PDZD2: variants seen among roughly 807,000 people sequenced by gnomAD.
PDZD2 encodes the protein PDZ domain containing 2.
PDZD2 carries 90 observed loss-of-function variants against 220.7 expected under a neutral mutation model. The observed-to-expected ratio is 0.41, with a 90% CI of 0.34 to 0.49. The LOEUF is 0.49. Ranked by LOEUF, PDZD2 falls within the 20% of genes least tolerant of loss-of-function variation. PDZD2 has a pLI of 0.28. For synonymous variants in PDZD2, 1,375 were observed against 1,450.5 expected (o/e 0.95, Z 1.18); for missense variants, 3,174 against 3,608.5 (o/e 0.88, Z 3.08).
chr5:31,993,306 G>C (rs1005341996), intron 3 of PDZD2, among the ~76,000 whole-genome samples: 4 of 152,236 alleles, frequency 2.6e-5, no homozygotes, highest in African/African-American at 9.6e-5. Context: ...TCATTTGACT[G>C]TGGTCAGGGG....
At chr5:31,799,877 C>A (rs1325194590) in intron 2 of PDZD2, among the ~76,000 whole-genome samples, 153 bp downstream of exon 2, 1 of 152,140 alleles carries the variant, frequency 6.6e-6, no homozygotes, top group African/African-American at 2.4e-5. Flanking sequence ...TTCAACGCAG[C>A]ATCACATCTT....
At chr5:32,051,497 A>G (rs890134837) in intron 8 of PDZD2, among the ~76,000 whole-genome samples, 2 of 152,216 alleles carry the variant, frequency 1.3e-5, no homozygotes, top group African/African-American at 2.4e-5. Flanking sequence ...TCTCATATTA[A>G]ACATAAAGTG....
chr5:31,881,750 CTG>C (rs1739950928), intron 2 of PDZD2, among the ~76,000 whole-genome samples: 1 of 151,642 alleles, frequency 6.6e-6, no homozygotes, highest in African/African-American at 2.4e-5. Flanking sequence ...GTGTCTCACT[CTG>C]TCACTCAGGC....
At chr5:31,837,016 A>AG (rs1491406977) in intron 2 of PDZD2, among the ~76,000 whole-genome samples, 1 of 146,672 alleles carries the variant, frequency 6.8e-6, no homozygotes, top group African/African-American at 2.5e-5. Context: ...AGACTGTCTT[A>AG]AAAGAAAGAA....
chr5:31,959,842 A>C (rs1748051444), intron 2 of PDZD2, among the ~76,000 whole-genome samples: 1 of 152,048 alleles, frequency 6.6e-6, no homozygotes, highest in African/African-American at 2.4e-5. Flanking sequence ...TTCCTTATGG[A>C]GGCTTTGAGG....
chr5:31,712,802 G>A (rs1748204460), intron 1 of PDZD2, among the ~76,000 whole-genome samples: 1 of 152,176 alleles, frequency 6.6e-6, no homozygotes, highest in Non-Finnish European at 1.5e-5. Flanking sequence ...GGTAAAGCTG[G>A]AAAAGGATTT....
At chr5:31,667,183 C>T (rs1177030639) in intron 1 of PDZD2, among the ~76,000 whole-genome samples, 2 of 130,858 alleles carry the variant, frequency 1.5e-5, no homozygotes, top group African/African-American at 2.9e-5. Context: ...TTGCAGTGAG[C>T]TGAGATCGCG....
intron 2 of PDZD2, among the ~76,000 whole-genome samples, chr5:31,958,993 C>T (rs1053256416): frequency 3.3e-5 from 5 of 151,740 alleles, no homozygotes; most frequent in Admixed American, 6.6e-5. Flanking sequence ...AGTGCAGTGG[C>T]GTGATCTCAG....
chr5:32,021,009 A>G (rs1360563014), intron 6 of PDZD2, among the ~76,000 whole-genome samples: 2 of 150,764 alleles, frequency 1.3e-5, no homozygotes, highest in Non-Finnish European at 2.9e-5. Context: ...GCCGGGGGGA[A>G]AAAAACCCCA....
chr5:31,890,983 C>G (rs1158510326), intron 2 of PDZD2, among the ~76,000 whole-genome samples: 3 of 152,176 alleles, frequency 2.0e-5, no homozygotes, highest in African/African-American at 7.2e-5. Context: ...CGTCTGGCAA[C>G]CGTATTAACA....
chr5:32,097,532 A>G (rs1029933464), intron 22 of PDZD2, 152 bp downstream of exon 22: 5 of 651,370 alleles, frequency 7.7e-6, no homozygotes, highest in African/African-American at 7.3e-5. Flanking sequence ...GAGAAGTAGT[A>G]CGTAAGGTTT....
chr5:31,801,634 G>A (rs752539136), intron 2 of PDZD2, among the ~76,000 whole-genome samples: 6 of 152,152 alleles, frequency 3.9e-5, no homozygotes, highest in African/African-American at 1.2e-4. Context: ...AGATAACTGG[G>A]GCTGCCTCCT....
At chr5:31,756,494 C>T (rs983701292) in intron 1 of PDZD2, among the ~76,000 whole-genome samples, 2 of 152,210 alleles carry the variant, frequency 1.3e-5, no homozygotes, top group Non-Finnish European at 2.9e-5. Context: ...CTTGGGCCCA[C>T]AAGAAGTCCT....
chr5:31,897,234 A>G (rs903395045), intron 2 of PDZD2, among the ~76,000 whole-genome samples: 10 of 152,340 alleles, frequency 6.6e-5, no homozygotes, highest in Admixed American at 5.9e-4. Context: ...AATTTAGGGC[A>G]CCAGGAGTAT....
chr5:31,664,251 C>T (rs1471692950), intron 1 of PDZD2, among the ~76,000 whole-genome samples: 2 of 152,088 alleles, frequency 1.3e-5, no homozygotes. Context: ...AGTCCTCCCA[C>T]CTCAGCCTCC....
intron 1 of PDZD2, among the ~76,000 whole-genome samples, chr5:31,645,406 G>A (rs1247318731): frequency 2.0e-5 from 3 of 148,604 alleles, no homozygotes; most frequent in African/African-American, 7.5e-5. Flanking sequence ...GCGCGATCTT[G>A]GCTCACTGCA....
chr5:31,793,361 G>C (rs963961342), intron 1 of PDZD2, among the ~76,000 whole-genome samples: 1 of 152,012 alleles, frequency 6.6e-6, no homozygotes, highest in Non-Finnish European at 1.5e-5. Context: ...TTCATCCTCG[G>C]GCAGCCAGGC....
intron 1 of PDZD2, among the ~76,000 whole-genome samples, chr5:31,722,641 C>A (rs1369718695): frequency 6.6e-6 from 1 of 151,888 alleles, no homozygotes; most frequent in African/African-American, 2.4e-5. Flanking sequence ...CACAACTTTC[C>A]TCTTTGCTAG....
At position 32,072,262 on chromosome 5, in the gene PDZD2, C is replaced by T. The variant is rs1489334048; in HGVS notation, c.2670C>T (p.His890=). 1 of 1,614,136 alleles carries T rather than the reference C, an allele frequency of 6.2e-7. No homozygotes were observed. The highest frequency in any genetic ancestry group is 8.5e-7 in the Non-Finnish European group (1 of 1,179,978). ...FMVAGSEDED[H]PGSGCSTSEE... ...TGGCCGGTTCTGAGGACGAGGATCA[C>T]CCGGGAAGTGGCTGCAGCACGTCGG... The change falls in exon 17 of 25, where the codon CAC becomes CAT. Residue 890 remains histidine, a synonymous_variant. Transcript: ENST00000438447.
Sources: allele counts gnomAD v4.1 joint callset (sites outside exome capture counted in the v4.1 genomes callset), GRCh38; gene constraint gnomAD v4.1.1; transcripts MANE v1.5; gene names NCBI Gene and HGNC (gene_info 2026-07-23, HGNC 2026-07-21).